Variants in GABRG3 observed in about 807,000 individuals in gnomAD.
The protein encoded by GABRG3 is gamma-aminobutyric acid type A receptor subunit gamma3.
A neutral mutation model predicts 48.8 loss-of-function variants in GABRG3; 25 were observed. The ratio of observed to expected loss-of-function variants is 0.51; its 90% CI spans 0.37 to 0.72. The LOEUF (loss-of-function observed/expected upper bound fraction) is 0.72. Ranked by LOEUF, GABRG3 falls within the 30% of genes least tolerant of loss-of-function variation. The probability of loss-of-function intolerance (pLI) is 0.00; values close to 1 mark genes in which losing one functional copy is unlikely to be tolerated. For missense variants in GABRG3, 394 were observed against 577.9 expected, an observed-to-expected ratio of 0.68 and a Z score of 3.26; for synonymous variants, 227 against 217.6, an observed-to-expected ratio of 1.04 and a Z score of -0.38.
At chr15:27,094,117 C>T (rs1263256091) in intron 3 of GABRG3, among the ~76,000 whole-genome samples, 1 of 152,192 alleles carries the variant, frequency 6.6e-6, no homozygotes, top group South Asian at 2.1e-4. Flanking sequence ...ATACAGCCCA[C>T]AGACCTGAAT....
chr15:27,420,429 A>G lies in GABRG3; in HGVS notation c.575-60221A>G, dbSNP rs190798930. Among the ~76,000 whole-genome samples the G allele has an allele frequency of 3.2e-3, 490 of 152,332 alleles. 1 individual carries two copies. Among genetic ancestry groups the G allele is most frequent in the Middle Eastern group, 6.8e-3 (2 of 294 alleles). ...TGGGGAGATGTTTGTTGAAGAGTTC[A>G]ACATTTCAGTTATGCGAGATGAGTA... is the stretch of plus-strand genomic sequence containing the variant. On this transcript the variant is annotated intron_variant, in intron 5 of 9. Coordinates refer to ENST00000615808, the MANE Select transcript of GABRG3 (RefSeq NM_033223.5).
chr15:27,497,038 A>G (rs1001282023), intron 6 of GABRG3, among the ~76,000 whole-genome samples: 1 of 152,194 alleles, frequency 6.6e-6, no homozygotes, highest in Non-Finnish European at 1.5e-5. Context: ...GCACCAGTCC[A>G]TAGCCCAGAT....
intron 2 of GABRG3, among the ~76,000 whole-genome samples, chr15:27,016,910 ATGTATTCCT>A (rs1169028270): frequency 1.3e-5 from 2 of 152,072 alleles, no homozygotes; most frequent in East Asian, 3.9e-4. Flanking sequence ...AATTCGCTTA[ATGTATTCCT>A]CACTCCAAGT....
At chr15:27,362,998 A>T (rs1013486728) in intron 5 of GABRG3, 4 of 152,228 alleles carry the variant, frequency 2.6e-5, no homozygotes, top group Admixed American at 2.6e-4. Flanking sequence ...GATATAAATT[A>T]TAGAAATGTT....
At position 27,246,399 on chromosome 15, in the gene GABRG3, A is replaced by G. The variant is rs564735579; in HGVS notation, c.271-80410A>G. On this transcript the variant is annotated intron_variant, in intron 3 of 9. Coordinates refer to ENST00000615808, the MANE Select transcript of GABRG3 (RefSeq NM_033223.5). ...CTTTTTATGAATAATTACTTTCTACATATATACTTATTCCATTTCCAAATG... is the reference window on the plus strand; with the variant it reads ...CTTTTTATGAATAATTACTTTCTACGTATATACTTATTCCATTTCCAAATG... Among the ~76,000 whole-genome samples, 60 of 152,336 alleles carry G rather than the reference A, an allele frequency of 3.9e-4. No individual in the cohort carries two copies. The Middle Eastern group carries it at 0.014, about 35-fold the overall frequency.
intron 6 of GABRG3, among the ~76,000 whole-genome samples, chr15:27,483,733 A>G (rs1890152628): frequency 6.6e-6 from 1 of 152,224 alleles, no homozygotes; most frequent in Admixed American, 6.5e-5. Flanking sequence ...TGGATGGTAT[A>G]GAAATCACAT....
At position 27,247,931 on chromosome 15, in the gene GABRG3, TGAA is replaced by T. The variant is rs904581933; in HGVS notation, c.271-78875_271-78873del. Among the ~76,000 whole-genome samples the T allele has an allele frequency of 3.3e-5, 5 of 152,198 alleles. No individual in the cohort carries two copies. The Middle Eastern group carries it at 0.01, about 311-fold the overall frequency. On this transcript the variant is annotated intron_variant, in intron 3 of 9. Transcript: ENST00000615808. ...ACATGGGAATTATGGGAGCCACAAT[TGAA>T]GATGAGATTTGGGTGGGGACACAGA... is the stretch of plus-strand genomic sequence containing the variant.
chr15:27,129,675 T>C (rs1897881944), intron 3 of GABRG3, among the ~76,000 whole-genome samples: 1 of 152,014 alleles, frequency 6.6e-6, no homozygotes, highest in African/African-American at 2.4e-5. Flanking sequence ...AATGCCAATT[T>C]CTCCACATCC....
chr15:27,271,668 G>A (rs1387402207), intron 3 of GABRG3: 3 of 454,464 alleles, frequency 6.6e-6, no homozygotes, highest in Non-Finnish European at 1.3e-5. Flanking sequence ...CCTCCCCTGG[G>A]AACCGTGTGG....
rs77751896 is a variant in GABRG3 at position 27,436,075 on chromosome 15, G to A, written c.575-44575G>A. Among the ~76,000 whole-genome samples, 1,239 of 152,290 alleles carry A rather than the reference G, an allele frequency of 8.1e-3. 15 individuals carry two copies. The highest frequency in any genetic ancestry group is 0.028 in the African/African-American group (1,182 of 41,560). Reference sequence around the variant, plus strand: ...ATGGCAATTGCTGATGAGTGTCTTCGTCAGGTCAGGCTGCTACAGTAGAAT... The same window carrying A: ...ATGGCAATTGCTGATGAGTGTCTTCATCAGGTCAGGCTGCTACAGTAGAAT... On this transcript the variant is annotated intron_variant, in intron 5 of 9. Coordinates refer to ENST00000615808, the MANE Select transcript of GABRG3 (RefSeq NM_033223.5).
intron 5 of GABRG3, among the ~76,000 whole-genome samples, chr15:27,474,284 A>G (rs1434292114): frequency 1.1e-4 from 16 of 152,254 alleles, no homozygotes; most frequent in Admixed American, 1.0e-3. Flanking sequence ...TTTCAGAATG[A>G]CTAACAAATG....
intron 3 of GABRG3, among the ~76,000 whole-genome samples, chr15:27,130,948 T>C (rs1017160338): frequency 1.3e-5 from 2 of 152,104 alleles, no homozygotes; most frequent in African/African-American, 4.8e-5. Context: ...GTGAAATCTT[T>C]AGGCTTTTCT....
At chr15:27,510,612 C>T (rs1470606598) in intron 6 of GABRG3, among the ~76,000 whole-genome samples, 1 of 152,200 alleles carries the variant, frequency 6.6e-6, no homozygotes, top group East Asian at 1.9e-4. Context: ...TGTTCAGACT[C>T]AGCATTTAGT....
chr15:27,318,513 A>G (rs1206119587), intron 3 of GABRG3, among the ~76,000 whole-genome samples: 2 of 152,214 alleles, frequency 1.3e-5, no homozygotes, highest in Non-Finnish European at 2.9e-5. Context: ...GCCTGAGTCC[A>G]GCAGCTAAAG....
intron 3 of GABRG3, among the ~76,000 whole-genome samples, chr15:27,206,754 T>C (rs1238661273): frequency 1.3e-5 from 2 of 152,350 alleles, no homozygotes; most frequent in East Asian, 3.9e-4. Context: ...TGCATATATA[T>C]TTAGGATAGT....
At chr15:27,483,867 A>G (rs1179393121) in intron 6 of GABRG3, among the ~76,000 whole-genome samples, 1 of 152,196 alleles carries the variant, frequency 6.6e-6, no homozygotes, top group Non-Finnish European at 1.5e-5. Flanking sequence ...CTATTCTCCA[A>G]GGACAATTGC....
intron 3 of GABRG3, among the ~76,000 whole-genome samples, chr15:27,165,433 CT>C (rs1887341110): frequency 6.6e-6 from 1 of 152,214 alleles, no homozygotes. Context: ...TGTCCTCATT[CT>C]TTCACTGGTC....
intron 5 of GABRG3, among the ~76,000 whole-genome samples, chr15:27,460,564 T>C (rs568039828): frequency 2.0e-5 from 3 of 152,158 alleles, no homozygotes; most frequent in Non-Finnish European, 4.4e-5. Flanking sequence ...TGCAAGTCAG[T>C]ACATAATACA....
At chr15:27,135,938 AAAC>A (rs1898001060) in intron 3 of GABRG3, among the ~76,000 whole-genome samples, 1 of 152,100 alleles carries the variant, frequency 6.6e-6, no homozygotes, top group Non-Finnish European at 1.5e-5. Context: ...AAGCAAAACA[AAAC>A]AACAAAAAAG....
Sources: gnomAD v4.1 joint callset for allele counts (sites outside exome capture counted in the v4.1 genomes callset) on GRCh38, gnomAD v4.1.1 for gene constraint, MANE v1.5 for transcripts, NCBI Gene and HGNC (gene_info 2026-07-23, HGNC 2026-07-21) for gene names.